Variants in DSCAM observed in about 807,000 individuals in gnomAD.
DSCAM encodes the protein cell adhesion molecule DSCAM.
In DSCAM, 47 loss-of-function variants were observed where a neutral mutation model predicts 217.7. The observed-to-expected ratio is 0.22, with a 90% CI of 0.17 to 0.28. The LOEUF is 0.28. DSCAM is among the 10% of genes least tolerant of loss of function. The probability of loss-of-function intolerance (pLI) is 1.00; values close to 1 mark genes in which losing one functional copy is unlikely to be tolerated. For missense variants in DSCAM, 2,080 were observed against 2,618.3 expected (o/e 0.79, Z 4.49); for synonymous variants, 1,056 against 1,015.3 (o/e 1.04, Z -0.76).
chr21:40,762,445 A>G (rs1463926567), intron 1 of DSCAM, among the ~76,000 whole-genome samples: 2 of 152,176 alleles, frequency 1.3e-5, no homozygotes, highest in African/African-American at 4.8e-5. Context: ...ACCAATAACA[A>G]GTTCTGAAAT....
intron 1 of DSCAM, among the ~76,000 whole-genome samples, chr21:40,791,535 G>A (rs899343914): frequency 1.3e-5 from 2 of 151,722 alleles, no homozygotes; most frequent in Admixed American, 6.6e-5. Flanking sequence ...GGCGCCTGTA[G>A]TCCCAGCTAC....
At chr21:40,684,783 T>C (rs2090455769) in intron 3 of DSCAM, among the ~76,000 whole-genome samples, 1 of 152,260 alleles carries the variant, frequency 6.6e-6, no homozygotes, top group African/African-American at 2.4e-5. Flanking sequence ...CTACACAATA[T>C]TCTTTCCTAA....
chr21:40,413,018 G>A (rs375000598), intron 3 of DSCAM, among the ~76,000 whole-genome samples: 1 of 152,246 alleles, frequency 6.6e-6, no homozygotes, highest in African/African-American at 2.4e-5. Flanking sequence ...AGTCTTGGCA[G>A]CTTCCACATG....
At chr21:40,141,431 C>T (rs2090288767) in intron 18 of DSCAM, among the ~76,000 whole-genome samples, 2 of 152,046 alleles carry the variant, frequency 1.3e-5, no homozygotes, top group South Asian at 4.1e-4. Context: ...CCTGGCCAAG[C>T]TGGCGAAACC....
chr21:40,318,018 G>C (rs1257153010), intron 8 of DSCAM, among the ~76,000 whole-genome samples: 13 of 151,940 alleles, frequency 8.6e-5, no homozygotes. Flanking sequence ...CATTTTTTAT[G>C]GCTGTATAGT....
At chr21:40,203,298 C>T in intron 11 of DSCAM, among the ~76,000 whole-genome samples, 1 of 152,232 alleles carries the variant, frequency 6.6e-6, no homozygotes, top group Non-Finnish European at 1.5e-5. Flanking sequence ...ATCTACCATA[C>T]ATGTATAGTA....
chr21:40,250,429 A>C (rs1247668552), intron 11 of DSCAM, among the ~76,000 whole-genome samples: 3 of 152,222 alleles, frequency 2.0e-5, no homozygotes, highest in Non-Finnish European at 4.4e-5. Flanking sequence ...CTGCAGATAA[A>C]AATTTCAATT....
At chr21:40,546,916 G>T (rs1383884401) in intron 3 of DSCAM, among the ~76,000 whole-genome samples, 2 of 152,150 alleles carry the variant, frequency 1.3e-5, no homozygotes. Context: ...GGCTGGGGCT[G>T]GGGTGGGAGC....
chr21:40,098,361 T>C (rs2089709067), intron 20 of DSCAM, among the ~76,000 whole-genome samples: 1 of 152,214 alleles, frequency 6.6e-6, no homozygotes, highest in Non-Finnish European at 1.5e-5. Flanking sequence ...TAGGTCAGAA[T>C]TGTTCCTTAA....
intron 3 of DSCAM, among the ~76,000 whole-genome samples, chr21:40,602,712 G>A (rs763588076): frequency 2.0e-5 from 3 of 151,898 alleles, no homozygotes; most frequent in Non-Finnish European, 2.9e-5. Flanking sequence ...AATAATTCAT[G>A]TCTTCTTTTT....
At chr21:40,193,156 C>T (rs1457388952) in intron 11 of DSCAM, among the ~76,000 whole-genome samples, 1 of 152,122 alleles carries the variant, frequency 6.6e-6, no homozygotes, top group African/African-American at 2.4e-5. Context: ...TAAGTTCAAC[C>T]ATTTGAATTC....
intron 3 of DSCAM, among the ~76,000 whole-genome samples, chr21:40,557,887 A>G (rs11088521): frequency 0.45 from 68,592 of 152,092 alleles, 16,755 homozygotes; most frequent in Admixed American, 0.55. Flanking sequence ...ACTAGACCAT[A>G]CCAAGAAAGA....
chr21:40,292,472 C>A (rs1601523457), intron 10 of DSCAM, among the ~76,000 whole-genome samples: 2 of 150,962 alleles, frequency 1.3e-5, no homozygotes, highest in Non-Finnish European at 1.5e-5. Context: ...AACAATATAC[C>A]ATATTTCTCT....
At position 40,749,713 on chromosome 21, in the gene DSCAM, C is replaced by T. The variant is rs2091208646; in HGVS notation, c.44-40942G>A. Among the ~76,000 whole-genome samples the T allele has an allele frequency of 1.3e-5, 2 of 152,024 alleles. 1 individual carries two copies. Among genetic ancestry groups the T allele is most frequent in the South Asian group, 4.1e-4 (2 of 4,824 alleles). On this transcript the variant is annotated intron_variant, in intron 1 of 32. Coordinates refer to ENST00000400454, the MANE Select transcript of DSCAM (RefSeq NM_001389.5). ...AGAAATAGCATATGAGCCAGCAGTCCCATTACTGGATATAGATCTAAAGGA... is the reference window on the plus strand; with the variant it reads ...AGAAATAGCATATGAGCCAGCAGTCTCATTACTGGATATAGATCTAAAGGA...
At chr21:40,115,327 C>T (rs900512219) in intron 20 of DSCAM, among the ~76,000 whole-genome samples, 13 of 152,046 alleles carry the variant, frequency 8.6e-5, no homozygotes, top group Middle Eastern at 3.2e-3. Context: ...AAAAACCAAA[C>T]GCCGCAAGTT....
At chr21:40,717,460 C>T (rs933212926) in intron 1 of DSCAM, among the ~76,000 whole-genome samples, 5 of 152,192 alleles carry the variant, frequency 3.3e-5, no homozygotes, top group Non-Finnish European at 7.4e-5. Flanking sequence ...AACAGGTAAG[C>T]AAAATGCGGC....
intron 32 of DSCAM, among the ~76,000 whole-genome samples, chr21:40,033,585 G>C (rs1320329153): frequency 6.6e-6 from 1 of 151,614 alleles, no homozygotes; most frequent in Non-Finnish European, 1.5e-5. Context: ...CAAGGCGGCA[G>C]TGAGGCTGGG....
chr21:40,518,563 C>T (rs1378745578), intron 3 of DSCAM, among the ~76,000 whole-genome samples: 5 of 78,962 alleles, frequency 6.3e-5, no homozygotes, highest in African/African-American at 2.6e-4. Context: ...TATACACACA[C>T]ACATATATAC....
At chr21:40,117,038 T>C (rs1196925600) in intron 20 of DSCAM, among the ~76,000 whole-genome samples, 4 of 146,720 alleles carry the variant, frequency 2.7e-5, no homozygotes, top group Non-Finnish European at 6.0e-5. Context: ...AGATTCATCC[T>C]TAAGTCATTT....
Sources: gnomAD v4.1 joint callset for allele counts (sites outside exome capture counted in the v4.1 genomes callset) on GRCh38, gnomAD v4.1.1 for gene constraint, MANE v1.5 for transcripts, NCBI Gene and HGNC (gene_info 2026-07-23, HGNC 2026-07-21) for gene names.